The following ZNF430 variants were observed in gnomAD, a reference collection of about 807,000 sequenced individuals.
ZNF430 encodes zinc finger protein 430.
ZNF430 carries 35 observed loss-of-function variants against 56.7 expected under a neutral mutation model. That is an observed-to-expected ratio of 0.62 (90% CI 0.47 to 0.82). The LOEUF (loss-of-function observed/expected upper bound fraction) is 0.82, where lower values mean the gene tolerates loss of function less well. ZNF430 is among the 40% of genes least tolerant of loss of function. The pLI, the probability that ZNF430 is intolerant of heterozygous loss-of-function variation, is 0.00. For synonymous variants in ZNF430, 212 were observed against 224.3 expected, an observed-to-expected ratio of 0.94 and a Z score of 0.49; for missense variants, 574 against 661.0, an observed-to-expected ratio of 0.87 and a Z score of 1.44.
chr19:21,037,457 CAT>C (rs536169995), intron 4 of ZNF430, among the ~76,000 whole-genome samples: 126 of 152,260 alleles, frequency 8.3e-4, no homozygotes, highest in African/African-American at 3.0e-3. Context: ...TCGCTCTACA[CAT>C]ATGTTACATT....
intron 2 of ZNF430, 140 bp from the exon 3 acceptor site, chr19:21,033,316 A>G: frequency 8.1e-7 from 1 of 1,236,902 alleles, no homozygotes; most frequent in Non-Finnish European, 1.1e-6. Flanking sequence ...AAAAAAAAAA[A>G]ATTATTGGAT....
At chr19:21,025,527 C>T (rs1238860774) in intron 2 of ZNF430, among the ~76,000 whole-genome samples, 2 of 152,122 alleles carry the variant, frequency 1.3e-5, no homozygotes, top group African/African-American at 2.4e-5. Flanking sequence ...GTCTCAGCCT[C>T]ATTTTACCCA....
At chr19:21,048,884 G>A (rs73531819) in intron 4 of ZNF430, among the ~76,000 whole-genome samples, 4,773 of 152,038 alleles carry the variant, frequency 0.031, 238 homozygotes, top group African/African-American at 0.11. Flanking sequence ...CCCAGATGGG[G>A]CATAAAATAT....
intron 4 of ZNF430, among the ~76,000 whole-genome samples, chr19:21,054,560 A>C (rs79533930): frequency 0.049 from 7,425 of 151,820 alleles, 619 homozygotes; most frequent in African/African-American, 0.17. Flanking sequence ...TGCAGTTTCC[A>C]AGAGGCTGTT....
intron 1 of ZNF430, among the ~76,000 whole-genome samples, chr19:21,021,328 G>A (rs553198203): frequency 3.3e-5 from 5 of 152,130 alleles, no homozygotes; most frequent in Non-Finnish European, 7.4e-5. Flanking sequence ...GTGAAACCCC[G>A]TCTTTACTAA....
At chr19:21,028,848 G>T (rs1256047071) in intron 2 of ZNF430, among the ~76,000 whole-genome samples, 2 of 152,046 alleles carry the variant, frequency 1.3e-5, no homozygotes, top group African/African-American at 4.8e-5. Flanking sequence ...ACCATGCCTG[G>T]CTAATTTTTG....
intron 4 of ZNF430, among the ~76,000 whole-genome samples, chr19:21,041,417 T>TA (rs1395560152): frequency 2.0e-5 from 3 of 152,240 alleles, no homozygotes; most frequent in Non-Finnish European, 4.4e-5. Flanking sequence ...TACTTTTTTT[T>TA]ATTAAGTAGT....
intron 4 of ZNF430, among the ~76,000 whole-genome samples, chr19:21,041,173 G>A: frequency 6.6e-6 from 1 of 152,044 alleles, no homozygotes; most frequent in East Asian, 1.9e-4. Flanking sequence ...TGTCAACCAA[G>A]CTGGTTTGCA....
At chr19:21,028,284 A>G (rs1270935026) in intron 2 of ZNF430, among the ~76,000 whole-genome samples, 1 of 152,226 alleles carries the variant, frequency 6.6e-6, no homozygotes, top group Non-Finnish European at 1.5e-5. Context: ...CCAGATATAA[A>G]TAGAATCTGA....
At chr19:21,022,121 A>G (rs1273920149) in intron 1 of ZNF430, among the ~76,000 whole-genome samples, 2 of 152,126 alleles carry the variant, frequency 1.3e-5, no homozygotes, top group African/African-American at 2.4e-5. Context: ...TACAGGCGTG[A>G]GCTATCACGC....
intron 4 of ZNF430, 53 bp from the exon 5 acceptor site, chr19:21,056,578 A>G (rs916408671): frequency 7.7e-7 from 1 of 1,296,150 alleles, no homozygotes; most frequent in Non-Finnish European, 1.1e-6. Flanking sequence ...TTTGTAAAGC[A>G]TATTCATCTG....
At chr19:21,030,551 A>G (rs571307225) in intron 2 of ZNF430, among the ~76,000 whole-genome samples, 1 of 152,182 alleles carries the variant, frequency 6.6e-6, no homozygotes, top group African/African-American at 2.4e-5. Context: ...TTTGTTCTGT[A>G]AACTTTAAAG....
chr19:21,055,016 T>C (rs936179944), intron 4 of ZNF430, among the ~76,000 whole-genome samples: 1 of 152,036 alleles, frequency 6.6e-6, no homozygotes, highest in African/African-American at 2.4e-5. Flanking sequence ...CTTTTTGGTA[T>C]TTTTTGCCTT....
intron 2 of ZNF430, among the ~76,000 whole-genome samples, chr19:21,033,152 C>T (rs949654461): frequency 1.4e-4 from 22 of 152,050 alleles, no homozygotes; most frequent in African/African-American, 3.4e-4. Flanking sequence ...GTTGAGAGTT[C>T]GTGACCAGCC....
chr19:21,020,749 A>G lies in ZNF430; in HGVS notation c.-52A>G. 1 of 1,611,500 alleles carries G rather than the reference A, an allele frequency of 6.2e-7. No individual in the cohort carries two copies. Among genetic ancestry groups the G allele is most frequent in the Non-Finnish European group, 8.5e-7 (1 of 1,178,260 alleles). ...CAGGCTCTGTGGCCCTGTGACCCGCAGGTATTGGGAGATCTACAGCTAAGA... is the reference window on the plus strand; with the variant it reads ...CAGGCTCTGTGGCCCTGTGACCCGCGGGTATTGGGAGATCTACAGCTAAGA... On this transcript the variant is annotated 5_prime_UTR_variant, in exon 1 of 5. Transcript: ENST00000261560.
At chr19:21,053,503 C>T (rs1377825623) in intron 4 of ZNF430, 1 of 152,236 alleles carries the variant, frequency 6.6e-6, no homozygotes, top group Non-Finnish European at 1.5e-5. Context: ...AAGTGATTCT[C>T]CTGCCTCAGC....
chr19:21,025,939 A>G lies in ZNF430; in HGVS notation c.96+3058A>G, dbSNP rs111717197. The G allele has an allele frequency of 4.1e-4, 175 of 422,596 alleles. 1 individual carries two copies. The highest frequency in any genetic ancestry group is 3.0e-3 in the African/African-American group (142 of 47,872). 26.2% of individuals were successfully genotyped at this position (422,596 alleles called of 1,614,324 possible). A position where few individuals can be genotyped will look rare whatever the true frequency, so the allele number is the denominator to read the frequency against. ...CTTAATACAGACTGAAGTTTCTGTC[A>G]TTGAGAACAGAGTGATCCATAAACC... is the stretch of plus-strand genomic sequence containing the variant. On this transcript the variant is annotated intron_variant, in intron 2 of 4. Transcript: ENST00000261560.
At chr19:21,046,088 G>A (rs901993028) in intron 4 of ZNF430, among the ~76,000 whole-genome samples, 1 of 152,098 alleles carries the variant, frequency 6.6e-6, no homozygotes, top group East Asian at 1.9e-4. Flanking sequence ...TTGGGAGGCT[G>A]AGGCAGGTGA....
chr19:21,043,770 T>C (rs1356548888), intron 4 of ZNF430, among the ~76,000 whole-genome samples: 3 of 152,100 alleles, frequency 2.0e-5, no homozygotes, highest in African/African-American at 7.2e-5. Context: ...CTGATTTTCT[T>C]GAGCAGTGGT....
Sources: gnomAD v4.1 joint callset for allele counts (sites outside exome capture counted in the v4.1 genomes callset) on GRCh38, gnomAD v4.1.1 for gene constraint, MANE v1.5 for transcripts, NCBI Gene and HGNC (gene_info 2026-07-23, HGNC 2026-07-21) for gene names.